Variants in CSMD3 observed in about 807,000 individuals in gnomAD.
The protein encoded by CSMD3 is CUB and Sushi multiple domains 3, also known as CUB and sushi domain-containing protein 3.
CSMD3 carries 177 observed loss-of-function variants against 435.2 expected under a neutral mutation model. The observed-to-expected ratio is 0.41, with a 90% CI of 0.36 to 0.46. The LOEUF (loss-of-function observed/expected upper bound fraction) is 0.46. CSMD3 is among the 20% of genes least tolerant of loss of function. CSMD3 has a pLI of 0.34. For synonymous variants in CSMD3, 1,656 were observed against 1,520.5 expected, an observed-to-expected ratio of 1.09 and a Z score of -2.07; for missense variants, 4,265 against 4,504.6, an observed-to-expected ratio of 0.95 and a Z score of 1.52.
Position 112,503,823 on chromosome 8 carries a change from C to T in CSMD3, c.5050G>A (p.Val1684Ile), listed in dbSNP as rs2130914667. ...TCTAGATGAAATCCAGTGTAACTAA[C>T]AGATCCATCACTCCGAAAAGCCAAA... ...MHLAFRSDGS[V>I]SYTGFHLEYK... is the part of the protein sequence containing the mutation. Residue 1684 changes from valine (V) to isoleucine (I), a missense_variant, in exon 30 of 71, where the codon GTT becomes ATT. Val to Ile is a conservative substitution (Grantham distance 29). This residue lies in a region of CSMD3 where 3,255 missense variants were observed against 3,380.2 expected (regional missense o/e 0.96). Transcript: ENST00000297405. 1 of 1,612,350 alleles carries T rather than the reference C, an allele frequency of 6.2e-7. No individual in the cohort carries two copies. Among genetic ancestry groups the T allele is most frequent in the Non-Finnish European group, 8.5e-7 (1 of 1,178,878 alleles).
chr8:112,782,146 T>C (rs1415724111), intron 13 of CSMD3, among the ~76,000 whole-genome samples: 1 of 151,958 alleles, frequency 6.6e-6, no homozygotes, highest in Non-Finnish European at 1.5e-5. Flanking sequence ...AAACAAAGAA[T>C]TCAAAATAGC....
At chr8:113,086,789 A>G (rs2089798667) in intron 5 of CSMD3, among the ~76,000 whole-genome samples, 1 of 152,158 alleles carries the variant, frequency 6.6e-6, no homozygotes, top group Admixed American at 6.5e-5. Flanking sequence ...GCAAATTGGT[A>G]CTATGATCTG....
In CSMD3 at chr8:112,852,749, C is replaced by T. The variant is rs931380803; in HGVS notation, c.1755+6396G>A. 3.9e-5 allele frequency among the ~76,000 whole-genome samples: 6 copies of T among 151,916 alleles called. No homozygotes were observed. The East Asian group carries it at 1.2e-3, about 30-fold the overall frequency. On this transcript the variant is annotated intron_variant, in intron 11 of 70. Coordinates refer to ENST00000297405, the MANE Select transcript of CSMD3 (RefSeq NM_198123.2). ...CATCCTGGCTAACACGGTGAAACCC[C>T]GTATCTACTAAAAATACAAAAAATT...
intron 27 of CSMD3, among the ~76,000 whole-genome samples, chr8:112,542,830 C>T (rs1158253475): frequency 2.0e-5 from 3 of 151,818 alleles, no homozygotes; most frequent in East Asian, 1.9e-4. Context: ...TACCAAAGTA[C>T]AATAATCAAA....
chr8:112,490,609 C>A (rs1381485874), intron 31 of CSMD3, among the ~76,000 whole-genome samples: 1 of 152,022 alleles, frequency 6.6e-6, no homozygotes, highest in African/African-American at 2.4e-5. Context: ...TCTTAATAAT[C>A]TATAGTTTTT....
intron 7 of CSMD3, among the ~76,000 whole-genome samples, chr8:112,965,257 C>G (rs2130882866): frequency 6.6e-6 from 1 of 152,064 alleles, no homozygotes; most frequent in Non-Finnish European, 1.5e-5. Flanking sequence ...GTAAAAGAAG[C>G]TCTGGTAACC....
chr8:113,026,296 C>G (rs914787711), intron 5 of CSMD3, among the ~76,000 whole-genome samples: 1 of 152,204 alleles, frequency 6.6e-6, no homozygotes, highest in Non-Finnish European at 1.5e-5. Flanking sequence ...AGGTGCTTCA[C>G]TTACTTTCTA....
At chr8:112,729,191 G>A (rs1428278803) in intron 13 of CSMD3, among the ~76,000 whole-genome samples, 1 of 152,000 alleles carries the variant, frequency 6.6e-6, no homozygotes, top group East Asian at 1.9e-4. Flanking sequence ...GAGAGTGCAG[G>A]AATGAGAAGG....
intron 1 of CSMD3, among the ~76,000 whole-genome samples, chr8:113,348,660 G>T (rs973637271): frequency 6.6e-6 from 1 of 152,090 alleles, no homozygotes; most frequent in South Asian, 2.1e-4. Context: ...AGTTAAAAAT[G>T]TTTTTAGTCC....
At chr8:112,649,563 T>C (rs1394526617) in intron 19 of CSMD3, among the ~76,000 whole-genome samples, 2 of 152,220 alleles carry the variant, frequency 1.3e-5, no homozygotes, top group African/African-American at 4.8e-5. Flanking sequence ...CTTCCCAATC[T>C]TAGGAGAAGC....
intron 6 of CSMD3, among the ~76,000 whole-genome samples, chr8:112,982,181 G>T (rs956665814): frequency 6.6e-6 from 1 of 151,794 alleles, no homozygotes. Context: ...TGCATCATAG[G>T]TGTCATTTTT....
At chr8:112,293,374 GT>G (rs1290763156) in intron 54 of CSMD3, among the ~76,000 whole-genome samples, 2 of 152,034 alleles carry the variant, frequency 1.3e-5, no homozygotes, top group African/African-American at 4.8e-5. Context: ...TTTAAAGGCA[GT>G]TTTTTGCATT....
chr8:112,877,315 G>T (rs931609138), intron 10 of CSMD3, among the ~76,000 whole-genome samples: 2 of 151,728 alleles, frequency 1.3e-5, no homozygotes, highest in African/African-American at 4.8e-5. Context: ...GCCCAAGCTG[G>T]AGTGCAATGG....
intron 2 of CSMD3, among the ~76,000 whole-genome samples, chr8:113,305,431 G>A (rs1023296913): frequency 1.3e-5 from 2 of 152,128 alleles, no homozygotes; most frequent in African/African-American, 4.8e-5. Context: ...TAGGATATCA[G>A]TGCTGTTTTA....
chr8:112,865,110 T>C (rs2080939927), intron 10 of CSMD3, among the ~76,000 whole-genome samples: 1 of 152,190 alleles, frequency 6.6e-6, no homozygotes, highest in Non-Finnish European at 1.5e-5. Flanking sequence ...ATTCCTATTT[T>C]TTCCTCAGGT....
chr8:112,312,594 T>C (rs935099635), intron 49 of CSMD3, among the ~76,000 whole-genome samples: 6 of 152,154 alleles, frequency 3.9e-5, no homozygotes, highest in Non-Finnish European at 7.4e-5. Context: ...TTTGATTGCA[T>C]AATAAATTAT....
intron 6 of CSMD3, among the ~76,000 whole-genome samples, chr8:112,981,076 C>T (rs1288347675): frequency 1.3e-5 from 2 of 151,386 alleles, no homozygotes; most frequent in Non-Finnish European, 3.0e-5. Context: ...TGTATATCTA[C>T]ATTGATCTTA....
intron 22 of CSMD3, among the ~76,000 whole-genome samples, chr8:112,621,670 C>T (rs2131517588): frequency 6.6e-6 from 1 of 152,176 alleles, no homozygotes; most frequent in Non-Finnish European, 1.5e-5. Flanking sequence ...CATTTTTTTA[C>T]TTGTTTTTCT....
At chr8:113,111,764 C>A (rs913982372) in intron 4 of CSMD3, among the ~76,000 whole-genome samples, 3 of 152,186 alleles carry the variant, frequency 2.0e-5, no homozygotes, top group Non-Finnish European at 1.5e-5. Flanking sequence ...TCACTGCAGC[C>A]TCTGCTTCCG....
Sources: gnomAD v4.1 joint callset for allele counts (sites outside exome capture counted in the v4.1 genomes callset) on GRCh38, gnomAD v4.1.1 for gene constraint, gnomAD v4.1.1 regional missense constraint, MANE v1.5 for transcripts, NCBI Gene and HGNC (gene_info 2026-07-23, HGNC 2026-07-21) for gene names.